Variants in ABHD17C observed in about 807,000 individuals in gnomAD.
ABHD17C encodes abhydrolase domain containing 17C, depalmitoylase.
In ABHD17C, 11 loss-of-function variants were observed where a neutral mutation model predicts 27.9. The observed-to-expected ratio is 0.39, with a 90% CI of 0.25 to 0.65. The LOEUF is 0.65. Among genes scored for constraint, ABHD17C ranks in the 30% least tolerant of loss-of-function variants. ABHD17C has a pLI of 0.45. For synonymous variants in ABHD17C, 233 were observed against 209.1 expected (o/e 1.11, Z -0.98); for missense variants, 280 against 470.2 (o/e 0.60, Z 3.74).
At chr15:80,696,918 G>C (rs1039413302) in intron 1 of ABHD17C, among the ~76,000 whole-genome samples, 9 of 152,106 alleles carry the variant, frequency 5.9e-5, no homozygotes, top group Non-Finnish European at 1.3e-4. Flanking sequence ...TGACCTTTCC[G>C]ACCTGCCTCA....
intron 1 of ABHD17C, among the ~76,000 whole-genome samples, chr15:80,726,907 T>C (rs1894988380): frequency 6.6e-6 from 1 of 152,246 alleles, no homozygotes. Flanking sequence ...TTGATCCCTT[T>C]ATAAACTTTA....
chr15:80,741,540 C>T (rs1280350862), intron 1 of ABHD17C, among the ~76,000 whole-genome samples: 1 of 151,906 alleles, frequency 6.6e-6, no homozygotes, highest in African/African-American at 2.4e-5. Context: ...AAGATTTGTT[C>T]TTACTGTAGA....
chr15:80,719,573 A>G (rs937742116), intron 1 of ABHD17C, among the ~76,000 whole-genome samples: 3 of 152,218 alleles, frequency 2.0e-5, no homozygotes, highest in Admixed American at 6.5e-5. Context: ...AAAATCAGCA[A>G]ATATCATTAC....
At chr15:80,723,811 T>G (rs973328270) in intron 1 of ABHD17C, among the ~76,000 whole-genome samples, 1 of 150,064 alleles carries the variant, frequency 6.7e-6, no homozygotes, top group South Asian at 2.2e-4. Flanking sequence ...GACCAACCGC[T>G]GTGGCATCAT....
intron 1 of ABHD17C, among the ~76,000 whole-genome samples, chr15:80,728,292 A>G (rs1250957256): frequency 2.6e-5 from 4 of 152,116 alleles, no homozygotes; most frequent in African/African-American, 9.7e-5. Flanking sequence ...CTACAAACTC[A>G]CCAGAATGGT....
At chr15:80,706,168 A>G (rs1281144325) in intron 1 of ABHD17C, among the ~76,000 whole-genome samples, 1 of 152,210 alleles carries the variant, frequency 6.6e-6, no homozygotes, top group Non-Finnish European at 1.5e-5. Context: ...TAAAATATGA[A>G]TGCTCCCATA....
intron 1 of ABHD17C, among the ~76,000 whole-genome samples, chr15:80,723,236 G>A (rs1362799829): frequency 1.3e-5 from 2 of 151,910 alleles, no homozygotes; most frequent in East Asian, 3.9e-4. Flanking sequence ...GTTTTTCATT[G>A]TGAGCTGCCA....
chr15:80,754,556 C>T lies in ABHD17C; in HGVS notation c.*186C>T. 1.7e-6 allele frequency: 1 copy of T among 588,678 alleles called. No individual in the cohort carries two copies. Among genetic ancestry groups the T allele is most frequent in the Non-Finnish European group, 3.0e-6 (1 of 333,312 alleles). The allele number at this position is 588,678 out of a possible 1,614,324, so 36.5% of individuals were successfully genotyped here. A position where few individuals can be genotyped will look rare whatever the true frequency, so the allele number is the denominator to read the frequency against. ...CTAGAGGTGGTTCTGCTAATTCACA[C>T]AACACGTTAAACTGAACAGTCGTGA... is the stretch of plus-strand genomic sequence containing the variant. On this transcript the variant is annotated 3_prime_UTR_variant, in exon 3 of 3. Transcript: ENST00000258884.
intron 1 of ABHD17C, among the ~76,000 whole-genome samples, chr15:80,727,238 G>C (rs1361657837): frequency 6.6e-6 from 1 of 152,126 alleles, no homozygotes; most frequent in Admixed American, 6.5e-5. Flanking sequence ...AATCGTCTAG[G>C]GTCACTCAGT....
chr15:80,698,169 A>G (rs548417222), intron 1 of ABHD17C, among the ~76,000 whole-genome samples: 12 of 141,820 alleles, frequency 8.5e-5, no homozygotes, highest in Non-Finnish European at 1.6e-4. Flanking sequence ...GGTTCACGCC[A>G]TTCTCCTACC....
intron 1 of ABHD17C, among the ~76,000 whole-genome samples, chr15:80,720,578 T>A (rs1247883838): frequency 2.6e-5 from 4 of 152,120 alleles, no homozygotes; most frequent in Non-Finnish European, 4.4e-5. Context: ...TATATATTCT[T>A]TGTGTTCTGA....
chr15:80,705,366 T>TGTGTGTGTGTGTGTGTGTGTGTGG lies in ABHD17C; in HGVS notation c.590+9348_590+9349insTGTGTGTGTGTGTGTGTGTGTGGG, dbSNP rs1300324609. Among the ~76,000 whole-genome samples the TGTGTGTGTGTGTGTGTGTGTGTGG allele has an allele frequency of 4.4e-3, 668 of 150,664 alleles. 6 individuals are homozygous for TGTGTGTGTGTGTGTGTGTGTGTGG. Among genetic ancestry groups the TGTGTGTGTGTGTGTGTGTGTGTGG allele is most frequent in the Non-Finnish European group, 7.2e-3 (488 of 67,476 alleles). On this transcript the variant is annotated intron_variant, in intron 1 of 2. Coordinates refer to ENST00000258884, the MANE Select transcript of ABHD17C (RefSeq NM_021214.2). ...GTGTGTGTGTGTGTGTGTGTGTGTG[T>TGTGTGTGTGTGTGTGTGTGTGTGG]GGTTAGGAGCATATATTTTAGAGTT...
At chr15:80,751,669 G>A (rs1226104870) in intron 2 of ABHD17C, among the ~76,000 whole-genome samples, 1 of 152,140 alleles carries the variant, frequency 6.6e-6, no homozygotes, top group Admixed American at 6.5e-5. Flanking sequence ...GATTCCTTAA[G>A]CCCAGCTTTA....
chr15:80,722,622 G>A lies in ABHD17C; in HGVS notation c.590+26603G>A, dbSNP rs192157747. On this transcript the variant is annotated intron_variant, in intron 1 of 2. Transcript: ENST00000258884. ...GTTGGTTAATTTTTAAGTGTACAAC[G>A]CAGTATTGTTAATCATATGCTCTAT... Among the ~76,000 whole-genome samples, 359 of 151,346 alleles carry A rather than the reference G, an allele frequency of 2.4e-3. 4 individuals carry two copies. The highest frequency in any genetic ancestry group is 3.6e-3 in the Non-Finnish European group (242 of 67,962).
intron 1 of ABHD17C, among the ~76,000 whole-genome samples, chr15:80,706,348 A>T (rs1325009568): frequency 6.6e-6 from 1 of 152,234 alleles, no homozygotes; most frequent in East Asian, 1.9e-4. Flanking sequence ...TTCAATGCTC[A>T]GACGGATAGT....
intron 1 of ABHD17C, among the ~76,000 whole-genome samples, chr15:80,727,957 A>G (rs1480878888): frequency 1.3e-5 from 2 of 151,888 alleles, no homozygotes; most frequent in South Asian, 2.1e-4. Flanking sequence ...CTCCGTGGAG[A>G]CTTATGGCTC....
At chr15:80,751,774 G>C (rs1403145464) in intron 2 of ABHD17C, among the ~76,000 whole-genome samples, 2 of 152,132 alleles carry the variant, frequency 1.3e-5, no homozygotes, top group African/African-American at 4.8e-5. Context: ...TTTTTAAAAG[G>C]CTGGTGATTG....
At chr15:80,709,627 A>T (rs1021179144) in intron 1 of ABHD17C, among the ~76,000 whole-genome samples, 1 of 152,172 alleles carries the variant, frequency 6.6e-6, no homozygotes, top group East Asian at 1.9e-4. Context: ...TCCTGCTTTC[A>T]TCCCGTGTAG....
At chr15:80,702,707 G>A (rs1201933344) in intron 1 of ABHD17C, 2 of 152,126 alleles carry the variant, frequency 1.3e-5, no homozygotes, top group Admixed American at 1.3e-4. Context: ...TTTACCCTCT[G>A]TACTGGATTT....
Sources: gnomAD v4.1 joint callset for allele counts (sites outside exome capture counted in the v4.1 genomes callset) on GRCh38, gnomAD v4.1.1 for gene constraint, MANE v1.5 for transcripts, NCBI Gene and HGNC (gene_info 2026-07-23, HGNC 2026-07-21) for gene names.